Variants in ROBO1 observed in about 807,000 individuals in gnomAD.
ROBO1 encodes the protein roundabout homolog 1.
ROBO1 carries 149 observed loss-of-function variants against 195.9 expected under a neutral mutation model. The observed-to-expected ratio is 0.76, with a 90% CI of 0.67 to 0.87. ROBO1 has a LOEUF of 0.87. Ranked by LOEUF, ROBO1 falls within the 40% of genes least tolerant of loss-of-function variation. The pLI, the probability that ROBO1 is intolerant of heterozygous loss-of-function variation, is 0.00. For synonymous variants in ROBO1, 816 were observed against 733.2 expected, an observed-to-expected ratio of 1.11 and a Z score of -1.82; for missense variants, 1,933 against 2,068.3, an observed-to-expected ratio of 0.93 and a Z score of 1.27.
chr3:78,847,304 T>C (rs570230625), intron 4 of ROBO1, among the ~76,000 whole-genome samples: 139 of 152,246 alleles, frequency 9.1e-4, no homozygotes, highest in Non-Finnish European at 1.7e-3. Flanking sequence ...AAATGGAAGT[T>C]TGGCAAATGT....
At chr3:79,590,611 A>C (rs999864854) in intron 1 of ROBO1, among the ~76,000 whole-genome samples, 1 of 151,830 alleles carries the variant, frequency 6.6e-6, no homozygotes, top group Admixed American at 6.6e-5. Flanking sequence ...TATGCAGGTG[A>C]CTGGTTAATT....
intron 2 of ROBO1, among the ~76,000 whole-genome samples, chr3:79,436,939 T>G (rs751733375): frequency 1.6e-4 from 24 of 152,114 alleles, no homozygotes; most frequent in Admixed American, 9.8e-4. Context: ...ATATATAGGA[T>G]TCATCTCTTT....
At chr3:79,092,858 G>A (rs2079504258) in intron 3 of ROBO1, among the ~76,000 whole-genome samples, 1 of 151,978 alleles carries the variant, frequency 6.6e-6, no homozygotes, top group Non-Finnish European at 1.5e-5. Flanking sequence ...ATTATCTTAT[G>A]TCATAATTAG....
chr3:78,791,875 G>A (rs961264291), intron 4 of ROBO1, among the ~76,000 whole-genome samples: 3 of 152,198 alleles, frequency 2.0e-5, no homozygotes, highest in African/African-American at 7.2e-5. Context: ...TTTCCAGTGA[G>A]AGGCTGCTGT....
intron 2 of ROBO1, among the ~76,000 whole-genome samples, chr3:79,333,218 A>C (rs2034524034): frequency 6.6e-6 from 1 of 151,506 alleles, no homozygotes. Context: ...AAAAAAAAAA[A>C]AACAGAAAAG....
At chr3:79,490,968 C>T (rs1361647582) in intron 2 of ROBO1, among the ~76,000 whole-genome samples, 1 of 152,046 alleles carries the variant, frequency 6.6e-6, no homozygotes, top group Non-Finnish European at 1.5e-5. Context: ...CTCCCTGGAT[C>T]CCAAGTACAT....
chr3:79,607,095 G>GCGCACACA (rs1553772831), intron 1 of ROBO1, among the ~76,000 whole-genome samples: 1 of 139,962 alleles, frequency 7.1e-6, no homozygotes, highest in African/African-American at 2.7e-5. Context: ...ATTAAAACCT[G>GCGCACACA]CACACACACA....
rs1371996143 is a variant in ROBO1 at position 78,950,461 on chromosome 3, C to T, written c.173-11534G>A. ...TCACTCATAGGTGGGAATTGAACAA[C>T]GAGAACACACGGACACAGGAAGGGG... On this transcript the variant is annotated intron_variant, in intron 3 of 30. Transcript: ENST00000464233. Among the ~76,000 whole-genome samples the T allele has an allele frequency of 3.8e-5, 5 of 132,174 alleles. No individual in the cohort carries two copies. The South Asian group carries it at 7.1e-4, about 19-fold the overall frequency. The allele number at this position is 132,174 out of a possible 152,430, so 86.7% of individuals were successfully genotyped here.
chr3:78,684,649 A>G lies in ROBO1; in HGVS notation c.1342+1097T>C, dbSNP rs148912414. 1.2e-3 allele frequency among the ~76,000 whole-genome samples: 177 copies of G among 152,236 alleles called. 1 individual carries two copies. The highest frequency in any genetic ancestry group is 3.6e-3 in the African/African-American group (149 of 41,556). On this transcript the variant is annotated intron_variant, in intron 10 of 30. Coordinates refer to ENST00000464233, the MANE Select transcript of ROBO1 (RefSeq NM_002941.4). ...TAGTAGGCTGTTACAATTTCACACT[A>G]CAGATGACTAGCTCTGGGAGTTGAT...
Position 78,992,988 on chromosome 3 carries a change from G to A in ROBO1, c.173-54061C>T, listed in dbSNP as rs187193054. 3.3e-5 allele frequency among the ~76,000 whole-genome samples: 5 copies of A among 152,242 alleles called. No homozygotes were observed. In the East Asian group the frequency reaches 9.6e-4, roughly 29 times the overall value. On this transcript the variant is annotated intron_variant, in intron 3 of 30. Transcript: ENST00000464233. ...CATATATCTAGTTGGCCATGGAGTG[G>A]CAGAAAAGCTGAACAATATTTTCTC...
intron 1 of ROBO1, among the ~76,000 whole-genome samples, chr3:79,591,695 G>C (rs1345530695): frequency 2.0e-5 from 3 of 151,830 alleles, no homozygotes; most frequent in Non-Finnish European, 2.9e-5. Flanking sequence ...CTTTTACAGA[G>C]TTATCCATTC....
chr3:78,781,062 T>C (rs1172815334), intron 4 of ROBO1, among the ~76,000 whole-genome samples: 2 of 152,270 alleles, frequency 1.3e-5, no homozygotes, highest in African/African-American at 2.4e-5. Context: ...ATACCTCATA[T>C]AGTTGAACCC....
chr3:79,640,328 C>CTCTTGCCTGCCACCAT (rs1553778932), intron 1 of ROBO1, among the ~76,000 whole-genome samples: 9 of 151,012 alleles, frequency 6.0e-5, no homozygotes, highest in Non-Finnish European at 1.2e-4. Flanking sequence ...AAATTTTCCT[C>CTCTTGCCTGCCACCAT]TCTCTCTTGC....
intron 4 of ROBO1, among the ~76,000 whole-genome samples, chr3:78,852,001 G>T (rs1162500470): frequency 6.6e-6 from 1 of 151,736 alleles, no homozygotes; most frequent in Admixed American, 6.6e-5. Flanking sequence ...TATCAATAAG[G>T]TTATGAATAA....
chr3:78,833,359 T>C (rs61270372), intron 4 of ROBO1, among the ~76,000 whole-genome samples: 4,693 of 152,286 alleles, frequency 0.031, 199 homozygotes, highest in African/African-American at 0.096. Flanking sequence ...GTGGGCCAGA[T>C]ACGTGGTTGC....
chr3:79,108,779 A>C (rs536616924), intron 3 of ROBO1, among the ~76,000 whole-genome samples: 1 of 151,978 alleles, frequency 6.6e-6, no homozygotes, highest in African/African-American at 2.4e-5. Flanking sequence ...GCAAACCCCT[A>C]TTCTAGGAAT....
intron 11 of ROBO1, among the ~76,000 whole-genome samples, chr3:78,669,837 T>G (rs550696207): frequency 6.6e-6 from 1 of 152,348 alleles, no homozygotes; most frequent in Admixed American, 6.5e-5. Flanking sequence ...CTCATTTACT[T>G]TCCTCGGTAG....
chr3:78,648,991 C>G (rs1387514767), intron 19 of ROBO1, among the ~76,000 whole-genome samples: 1 of 152,012 alleles, frequency 6.6e-6, no homozygotes, highest in Non-Finnish European at 1.5e-5. Context: ...CCAATTTATA[C>G]CCTGGCCTTC....
chr3:78,721,315 T>C (rs2082040257), intron 5 of ROBO1, among the ~76,000 whole-genome samples: 1 of 152,136 alleles, frequency 6.6e-6, no homozygotes, highest in Non-Finnish European at 1.5e-5. Context: ...CGCATAAGCA[T>C]TTCCAAAAAT....
Sources: gnomAD v4.1 joint callset for allele counts (sites outside exome capture counted in the v4.1 genomes callset) on GRCh38, gnomAD v4.1.1 for gene constraint, MANE v1.5 for transcripts, NCBI Gene and HGNC (gene_info 2026-07-23, HGNC 2026-07-21) for gene names.